Variants in ZNF714 observed in about 807,000 individuals in gnomAD.
ZNF714 encodes the protein zinc finger protein 714.
A neutral mutation model predicts 46.2 loss-of-function variants in ZNF714; 32 were observed. That is an observed-to-expected ratio of 0.69 (90% CI 0.52 to 0.93). The LOEUF (loss-of-function observed/expected upper bound fraction) is 0.93, where lower values mean the gene tolerates loss of function less well. Among genes scored for constraint, ZNF714 ranks in the 40% least tolerant of loss-of-function variants. The pLI, the probability that ZNF714 is intolerant of heterozygous loss-of-function variation, is 0.00. For synonymous variants in ZNF714, 199 were observed against 213.1 expected, an observed-to-expected ratio of 0.93 and a Z score of 0.58; for missense variants, 635 against 646.3, an observed-to-expected ratio of 0.98 and a Z score of 0.19.
intron 4 of ZNF714, 64 bp downstream of exon 4, chr19:21,098,974 A>AAG (rs56002542): frequency 3.9e-6 from 4 of 1,023,008 alleles, no homozygotes; most frequent in African/African-American, 3.4e-5. Flanking sequence ...AAAAAAAAAA[A>AAG]GCAAGCCGGC....
chr19:21,098,981 C>T (rs563301233), intron 4 of ZNF714, 71 bp downstream of exon 4: 12 of 911,126 alleles, frequency 1.3e-5, no homozygotes, highest in South Asian at 6.3e-5. Flanking sequence ...AAAAGCAAGC[C>T]GGCCCTTACA....
At chr19:21,093,976 G>T (rs1236006641) in intron 2 of ZNF714, among the ~76,000 whole-genome samples, 1 of 152,112 alleles carries the variant, frequency 6.6e-6, no homozygotes, top group Non-Finnish European at 1.5e-5. Context: ...TAGGCAATTA[G>T]ATTTGTTCCA....
chr19:21,117,586 T>C lies in ZNF714; in HGVS notation c.922T>C (p.Ser308Pro). The change falls in exon 5 of 5, where the codon TCT (serine) becomes CCT (proline). Residue 308 changes from serine (S) to proline (P), a missense_variant. By Grantham distance (74) the Ser-to-Pro change is moderately conservative (BLOSUM62 -1). Coordinates refer to ENST00000456283, the MANE Select transcript of ZNF714 (RefSeq NM_182515.4). ...SYLTKHKIIH[S>P]GEKSYKCEQC... ...CCTTACTAAACATAAGATAATTCAT[T>C]CTGGAGAGAAATCTTACAAATGTGA... 6.2e-7 allele frequency: 1 copy of C among 1,606,318 alleles called. No homozygotes were observed. Among genetic ancestry groups the C allele is most frequent in the Non-Finnish European group, 8.5e-7 (1 of 1,176,088 alleles).
intron 4 of ZNF714, among the ~76,000 whole-genome samples, chr19:21,108,667 C>T (rs1969377496): frequency 6.6e-6 from 1 of 152,182 alleles, no homozygotes; most frequent in African/African-American, 2.4e-5. Flanking sequence ...GCTGTTACAC[C>T]CTTCTTGTAC....
chr19:21,083,934 A>G, intron 1 of ZNF714, 44 bp from the exon 2 acceptor site: 1 of 1,084,688 alleles, frequency 9.2e-7, no homozygotes. Context: ...ATGTCAGCTA[A>G]AGTGCCTAGT....
chr19:21,092,176 CTTAGAGGAAAGG>C (rs745775180), intron 2 of ZNF714, among the ~76,000 whole-genome samples: 1 of 152,064 alleles, frequency 6.6e-6, no homozygotes, highest in Non-Finnish European at 1.5e-5. Flanking sequence ...AGGATGAAAA[CTTAGAGGAAAGG>C]AGCTCTGATG....
intron 2 of ZNF714, 32 bp downstream of exon 2, chr19:21,084,101 CAG>C: frequency 1.1e-6 from 1 of 886,894 alleles, no homozygotes; most frequent in South Asian, 3.6e-5. Flanking sequence ...GGGGAAAACA[CAG>C]AAATAACATC....
intron 2 of ZNF714, 71 bp from the exon 3 acceptor site, chr19:21,098,114 A>C: frequency 2.6e-6 from 4 of 1,531,534 alleles, no homozygotes; most frequent in Non-Finnish European, 3.5e-6. Context: ...ATTTCACCTT[A>C]ATTCAAATAA....
At position 21,098,901 on chromosome 19, in the gene ZNF714, G is replaced by A; in HGVS notation, c.133G>A (p.Glu45Lys). Residue 45 changes from glutamate to lysine, a missense_variant, in exon 4 of 5, where the codon GAA (glutamate) becomes AAA (lysine). Glu to Lys is a moderately conservative substitution (Grantham distance 56). Transcript: ENST00000456283. ...TATGAAGATATGTGAGATGGTGGAT[G>A]AATCCCCAGGTAGGTGAGAGTGAAC... Reference protein sequence around the residue: ...WNMKICEMVDESPAMCSSFTR... With the variant: ...WNMKICEMVDKSPAMCSSFTR... 6.3e-7 allele frequency: 1 copy of A among 1,589,830 alleles called. No individual in the cohort carries two copies. The highest frequency in any genetic ancestry group is 8.6e-7 in the Non-Finnish European group (1 of 1,165,186).
intron 2 of ZNF714, among the ~76,000 whole-genome samples, chr19:21,097,302 G>A (rs147882062): frequency 3.9e-4 from 59 of 152,228 alleles, no homozygotes; most frequent in Non-Finnish European, 4.1e-4. Flanking sequence ...CTTGACCTTC[G>A]CATGAAACTG....
chr19:21,098,745 T>G, intron 3 of ZNF714, 67 bp from the exon 4 acceptor site: 2 of 1,015,308 alleles, frequency 2.0e-6, no homozygotes, highest in Non-Finnish European at 2.9e-6. Context: ...TCCTTTTTAC[T>G]GAGCACAGTA....
At position 21,123,479 on chromosome 19, in the gene ZNF714, C is replaced by T. The variant is rs1312514298; in HGVS notation, c.*5147C>T. 2.0e-5 allele frequency among the ~76,000 whole-genome samples: 3 copies of T among 152,016 alleles called. No homozygotes were observed. Among genetic ancestry groups the T allele is most frequent in the African/African-American group, 4.8e-5 (2 of 41,398 alleles). ...ACGCCATTCTCCCGCCTCAGCCTCC[C>T]GAGTAGCTGGGACTACAGGCGCCCG... On this transcript the variant is annotated 3_prime_UTR_variant, in exon 5 of 5. Transcript: ENST00000456283.
In ZNF714 at chr19:21,093,066, C is replaced by T. The variant is rs1474964464; in HGVS notation, c.-84-5119C>T. ...CTGGGACTACAGGTGTCTGCCACCA[C>T]GCCTAGCTAATTTTTTGTATTTTTA... On this transcript the variant is annotated intron_variant, in intron 2 of 4. Coordinates refer to ENST00000456283, the MANE Select transcript of ZNF714 (RefSeq NM_182515.4). 5.9e-5 allele frequency among the ~76,000 whole-genome samples: 9 copies of T among 151,590 alleles called. No individual in the cohort carries two copies. The East Asian group carries it at 1.6e-3, about 26-fold the overall frequency.
chr19:21,113,628 T>C (rs1320620656), intron 4 of ZNF714, among the ~76,000 whole-genome samples: 2 of 151,962 alleles, frequency 1.3e-5, no homozygotes, highest in Admixed American at 6.6e-5. Context: ...TGTCTCAGCC[T>C]CCTGAGTAGC....
At chr19:21,102,177 T>G (rs1430042312) in intron 4 of ZNF714, among the ~76,000 whole-genome samples, 1 of 152,236 alleles carries the variant, frequency 6.6e-6, no homozygotes, top group Non-Finnish European at 1.5e-5. Flanking sequence ...GCACCTTTTA[T>G]TTTTTCATGT....
intron 4 of ZNF714, among the ~76,000 whole-genome samples, chr19:21,108,713 C>T (rs1238738524): frequency 6.6e-6 from 1 of 152,174 alleles, no homozygotes; most frequent in Non-Finnish European, 1.5e-5. Flanking sequence ...AACCTTCTTT[C>T]TTTATAAGTT....
intron 4 of ZNF714, among the ~76,000 whole-genome samples, chr19:21,104,641 G>T (rs1037476464): frequency 6.6e-6 from 1 of 151,334 alleles, no homozygotes; most frequent in African/African-American, 2.4e-5. Context: ...TTGTGATGAA[G>T]TCTTACTGTT....
In ZNF714 at chr19:21,118,236, G is replaced by A. The variant is rs372420809; in HGVS notation, c.1572G>A (p.Ala524=). 2.6e-5 allele frequency: 40 copies of A among 1,555,488 alleles called. No individual in the cohort carries two copies. Among genetic ancestry groups the A allele is most frequent in the Middle Eastern group, 1.7e-4 (1 of 5,994 alleles). Residue 524 remains alanine, a synonymous_variant, in exon 5 of 5, where the codon GCG becomes GCA. Coordinates refer to ENST00000456283, the MANE Select transcript of ZNF714 (RefSeq NM_182515.4). Reference sequence around the variant, plus strand: ...TGAGAGGACTAGGTGAGCAGATCGCGAGGTCAGGAGTTCAAGACCAGCCTG... The same window carrying A: ...TGAGAGGACTAGGTGAGCAGATCGCAAGGTCAGGAGTTCAAGACCAGCCTG... The part of the protein sequence containing the change: ...NTLRGLGEQI[A]RSGVQDQPGQ...
At chr19:21,107,480 C>A (rs1462905553) in intron 4 of ZNF714, among the ~76,000 whole-genome samples, 3 of 152,140 alleles carry the variant, frequency 2.0e-5, no homozygotes, top group African/African-American at 7.2e-5. Context: ...CTCAGGTGAT[C>A]CGCCCACCTT....
Sources: allele counts gnomAD v4.1 joint callset (sites outside exome capture counted in the v4.1 genomes callset), GRCh38; gene constraint gnomAD v4.1.1; transcripts MANE v1.5; gene names NCBI Gene and HGNC (gene_info 2026-07-23, HGNC 2026-07-21).